The following PPP1R9A variants were observed in gnomAD, a reference collection of about 807,000 sequenced individuals.
The protein encoded by PPP1R9A is neurabin-1.
In PPP1R9A, 59 loss-of-function variants were observed where a neutral mutation model predicts 141.9. The ratio of observed to expected loss-of-function variants is 0.42; its 90% CI spans 0.34 to 0.52. The LOEUF (loss-of-function observed/expected upper bound fraction) is 0.52, where lower values mean the gene tolerates loss of function less well. Among genes scored for constraint, PPP1R9A ranks in the 20% least tolerant of loss-of-function variants. The pLI is 0.10. For synonymous variants in PPP1R9A, 500 were observed against 569.7 expected (o/e 0.88, Z 1.74); for missense variants, 1,444 against 1,611.9 (o/e 0.90, Z 1.78).
chr7:95,105,973 G>C (rs1407939400), intron 2 of PPP1R9A, among the ~76,000 whole-genome samples: 3 of 152,166 alleles, frequency 2.0e-5, no homozygotes. Context: ...TTATGAAAGA[G>C]AGTATGAGGC....
At chr7:95,252,688 G>A (rs1051374864) in intron 12 of PPP1R9A, among the ~76,000 whole-genome samples, 2 of 151,938 alleles carry the variant, frequency 1.3e-5, no homozygotes, top group African/African-American at 4.8e-5. Context: ...GGCTGGTCTC[G>A]AACTCCTGAC....
In PPP1R9A at chr7:95,280,111, CT is replaced by C. The variant is rs770294040; in HGVS notation, c.3297-3906del. Among the ~76,000 whole-genome samples the C allele has an allele frequency of 3.3e-5, 5 of 152,264 alleles. No individual in the cohort carries two copies. The East Asian group carries it at 7.7e-4, about 23-fold the overall frequency. ...CTTTAGATGGACATGTTTCTCACAG[CT>C]GTTATCCATTAGGGTCTCTAGATCC... is the stretch of plus-strand genomic sequence containing the variant. On this transcript the variant is annotated intron_variant, in intron 16 of 19. Transcript: ENST00000433360.
At chr7:95,217,228 T>C (rs1793598779) in intron 7 of PPP1R9A, among the ~76,000 whole-genome samples, 2 of 152,212 alleles carry the variant, frequency 1.3e-5, no homozygotes, top group Non-Finnish European at 2.9e-5. Context: ...GAGATAATCA[T>C]GTGGTTTTTG....
rs117055986 is a variant in PPP1R9A, at chr7:94,991,021, G to A, written c.1395+79513G>A. Among the ~76,000 whole-genome samples the A allele has an allele frequency of 4.7e-4, 72 of 152,226 alleles. No individual in the cohort carries two copies. The East Asian group carries it at 9.8e-3, about 21-fold the overall frequency. On this transcript the variant is annotated intron_variant, in intron 2 of 19. Transcript: ENST00000433360. The stretch of plus-strand genomic sequence containing the variant: ...TGTAGTAAGTAAGTATAGGGTTGCA[G>A]GTGTCTCTGCAATATACTGATTTCT...
At chr7:95,232,261 A>G (rs1419438875) in intron 8 of PPP1R9A, among the ~76,000 whole-genome samples, 1 of 152,162 alleles carries the variant, frequency 6.6e-6, no homozygotes, top group Non-Finnish European at 1.5e-5. Flanking sequence ...AAAAATTGCC[A>G]ACAATGAGGA....
At chr7:95,254,118 A>G (rs1799261098) in intron 12 of PPP1R9A, among the ~76,000 whole-genome samples, 1 of 152,132 alleles carries the variant, frequency 6.6e-6, no homozygotes, top group South Asian at 2.1e-4. Context: ...CAGTTTCCCT[A>G]GCAACACTGT....
chr7:95,245,272 G>T (rs1797968038), intron 8 of PPP1R9A, among the ~76,000 whole-genome samples: 1 of 152,034 alleles, frequency 6.6e-6, no homozygotes. Flanking sequence ...TTTATTAGAG[G>T]GAGAAAAAGT....
chr7:95,118,257 A>G (rs1414397358), intron 3 of PPP1R9A, among the ~76,000 whole-genome samples: 2 of 152,208 alleles, frequency 1.3e-5, no homozygotes, highest in Admixed American at 6.5e-5. Flanking sequence ...AATGTAGAAA[A>G]TCTTTAACAA....
chr7:95,062,684 G>A lies in PPP1R9A; in HGVS notation c.1396-48575G>A, dbSNP rs188701498. 2.6e-3 allele frequency among the ~76,000 whole-genome samples: 402 copies of A among 152,006 alleles called. 1 individual carries two copies. The highest frequency in any genetic ancestry group is 4.4e-3 in the Admixed American group (67 of 15,256). ...ATTACAGGTGTGAGCCACCGCACCCGGCCAAGGGGGATTTTTTTTTCTCCT... is the reference window on the plus strand; with the variant it reads ...ATTACAGGTGTGAGCCACCGCACCCAGCCAAGGGGGATTTTTTTTTCTCCT... On this transcript the variant is annotated intron_variant, in intron 2 of 19. Transcript: ENST00000433360.
rs573544975 is a variant in PPP1R9A, at chr7:95,204,270, T to A, written c.1956+540T>A. ...TGATACTATACTTTAAATAATAAAA[T>A]AATTCTCGTTATGTTTAGTTGCTGT... On this transcript the variant is annotated intron_variant, in intron 7 of 19. Transcript: ENST00000433360. 1.3e-3 allele frequency among the ~76,000 whole-genome samples: 192 copies of A among 152,288 alleles called. 1 individual carries two copies. Among genetic ancestry groups the A allele is most frequent in the African/African-American group, 4.5e-3 (186 of 41,566 alleles).
At chr7:94,938,127 G>C (rs1794961164) in intron 2 of PPP1R9A, among the ~76,000 whole-genome samples, 1 of 152,134 alleles carries the variant, frequency 6.6e-6, no homozygotes. Context: ...CATAGCAGGA[G>C]GTGAGTGGTG....
chr7:95,023,671 CT>C (rs1224252631), intron 2 of PPP1R9A, among the ~76,000 whole-genome samples: 1 of 151,996 alleles, frequency 6.6e-6, no homozygotes, highest in Non-Finnish European at 1.5e-5. Context: ...CTCCTGCCTC[CT>C]TCCTGAGTAG....
At position 95,053,802 on chromosome 7, in the gene PPP1R9A, A is replaced by G. The variant is rs986020701; in HGVS notation, c.1396-57457A>G. The stretch of plus-strand genomic sequence containing the variant: ...TACTGACCTCACCAAACTTTGGTCT[A>G]TTTGGGCAGTAGGCAGTAGCTTGGA... On this transcript the variant is annotated intron_variant, in intron 2 of 19. Transcript: ENST00000433360. 2.0e-5 allele frequency among the ~76,000 whole-genome samples: 3 copies of G among 152,140 alleles called. No individual in the cohort carries two copies. The East Asian group carries it at 5.8e-4, about 29-fold the overall frequency.
At position 95,217,215 on chromosome 7, in the gene PPP1R9A, A is replaced by G. The variant is rs188840827; in HGVS notation, c.1957-8746A>G. 7.1e-3 allele frequency among the ~76,000 whole-genome samples: 1,079 copies of G among 152,236 alleles called. 27 individuals are homozygous for G. The highest frequency in any genetic ancestry group is 0.04 in the Admixed American group (610 of 15,282). ...TTTGTCAAAGGCCTTTTCTGCATCTATTGAGATAATCATGTGGTTTTTGTC... is the reference window on the plus strand; with the variant it reads ...TTTGTCAAAGGCCTTTTCTGCATCTGTTGAGATAATCATGTGGTTTTTGTC... On this transcript the variant is annotated intron_variant, in intron 7 of 19. Transcript: ENST00000433360.
Position 95,286,339 on chromosome 7 carries a change from A to G in PPP1R9A, c.3729+14A>G, listed in dbSNP as rs1374397947. ...TCATCAGATGAGGTAATTCCATGGC[A>G]CTATGACAGAGCTGCTTTGTCAAAT... On this transcript the variant is annotated intron_variant, in intron 18 of 19. Coordinates refer to ENST00000433360, the MANE Select transcript of PPP1R9A (RefSeq NM_001166160.2). 6.2e-7 allele frequency: 1 copy of G among 1,611,372 alleles called. No homozygotes were observed.
chr7:94,972,848 G>A (rs558664660), intron 2 of PPP1R9A, among the ~76,000 whole-genome samples: 3 of 152,162 alleles, frequency 2.0e-5, no homozygotes, highest in African/African-American at 7.2e-5. Context: ...CTGATGGGGA[G>A]ACTGGATCTT....
At chr7:95,009,797 A>G (rs756115156) in intron 2 of PPP1R9A, among the ~76,000 whole-genome samples, 4 of 152,210 alleles carry the variant, frequency 2.6e-5, no homozygotes, top group Non-Finnish European at 5.9e-5. Flanking sequence ...GGAATAGTGC[A>G]CACAGCATAT....
intron 2 of PPP1R9A, among the ~76,000 whole-genome samples, chr7:95,054,115 T>G (rs369390146): frequency 1.8e-3 from 200 of 113,442 alleles, no homozygotes; most frequent in Non-Finnish European, 2.7e-3. Context: ...CCCCACTGTG[T>G]TTTTTTTTTT....
At chr7:94,945,745 C>G (rs533681697) in intron 2 of PPP1R9A, among the ~76,000 whole-genome samples, 179 of 152,074 alleles carry the variant, frequency 1.2e-3, no homozygotes, top group South Asian at 7.0e-3. Context: ...GATTTTCTTA[C>G]TGATCTGATT....
Sources: allele counts gnomAD v4.1 joint callset (sites outside exome capture counted in the v4.1 genomes callset), GRCh38; gene constraint gnomAD v4.1.1; transcripts MANE v1.5; gene names NCBI Gene and HGNC (gene_info 2026-07-23, HGNC 2026-07-21).